Variants in CAND1 observed in about 807,000 individuals in gnomAD.
CAND1 encodes the protein cullin-associated NEDD8-dissociated protein 1.
Under a neutral mutation model 108.5 loss-of-function variants are expected in CAND1, and 7 were observed. That is an observed-to-expected ratio of 0.06 (90% CI 0.04 to 0.12). The LOEUF (loss-of-function observed/expected upper bound fraction) is 0.12, where lower values mean the gene tolerates loss of function less well. Among genes scored for constraint, CAND1 ranks in the 10% least tolerant of loss-of-function variants. CAND1 has a pLI of 1.00. For missense variants in CAND1, 941 were observed against 1,448.7 expected, an observed-to-expected ratio of 0.65 and a Z score of 5.69; for synonymous variants, 534 against 512.0, an observed-to-expected ratio of 1.04 and a Z score of -0.58.
chr12:67,286,379 A>C (rs959143747), intron 2 of CAND1, among the ~76,000 whole-genome samples: 1 of 152,116 alleles, frequency 6.6e-6, no homozygotes, highest in Non-Finnish European at 1.5e-5. Context: ...GAAAACGCCA[A>C]ATTGTTTCCC....
In CAND1 at chr12:67,297,815, A is replaced by G; in HGVS notation, c.816A>G (p.Arg272=). Residue 272 remains arginine, a synonymous_variant, in exon 6 of 15, where the codon AGA becomes AGG. Transcript: ENST00000545606. The part of the protein sequence containing the change: ...KFCNVDDDEL[R]EYCIQAFESF... ...GCAATGTAGATGATGATGAATTAAG[A>G]GAGTACTGTATTCAAGCCTTTGAAT... is the stretch of plus-strand genomic sequence containing the variant. The G allele has an allele frequency of 6.2e-7, 1 of 1,605,102 alleles. No homozygotes were observed. Among genetic ancestry groups the G allele is most frequent in the Non-Finnish European group, 8.5e-7 (1 of 1,173,344 alleles).
rs780258639 is a variant in CAND1 at position 67,319,559 on chromosome 12, C to T, written c.*6729C>T. 6.6e-6 allele frequency: 1 copy of T among 152,174 alleles called. No individual in the cohort carries two copies. Among genetic ancestry groups the T allele is most frequent in the Non-Finnish European group, 1.5e-5 (1 of 68,058 alleles). The allele number at this position is 152,174 out of a possible 1,614,324, so 9.4% of individuals were successfully genotyped here. ...TATTGTCAAATTCCTTTTAAAAGCA[C>T]CTGTCTGTCTGTTAACGTTGGTGCA... On this transcript the variant is annotated 3_prime_UTR_variant, in exon 15 of 15. Transcript: ENST00000545606.
intron 14 of CAND1, 78 bp downstream of exon 14, chr12:67,311,878 CAAATATA>C (rs2044954147): frequency 1.2e-6 from 1 of 817,738 alleles, no homozygotes; most frequent in East Asian, 2.5e-5. Flanking sequence ...TCTAGCTTTC[CAAATATA>C]ACTATTCCAG....
chr12:67,271,142 T>A (rs1283251355), intron 1 of CAND1, among the ~76,000 whole-genome samples: 1 of 152,264 alleles, frequency 6.6e-6, no homozygotes, highest in Non-Finnish European at 1.5e-5. Context: ...TTAAAAATCA[T>A]TTCGCTAATG....
intron 1 of CAND1, among the ~76,000 whole-genome samples, chr12:67,274,042 AC>A (rs1191078217): frequency 6.6e-6 from 1 of 152,054 alleles, no homozygotes; most frequent in Non-Finnish European, 1.5e-5. Flanking sequence ...GGATCTCTTT[AC>A]CCCCAGAACA....
chr12:67,270,801 TTA>T (rs1442005539), intron 1 of CAND1: 14 of 151,448 alleles, frequency 9.2e-5, no homozygotes, highest in African/African-American at 2.7e-4. Flanking sequence ...AAAAAATCGC[TTA>T]TTTCCTTATA....
intron 2 of CAND1, among the ~76,000 whole-genome samples, chr12:67,286,909 C>A (rs1026536691): frequency 2.0e-5 from 3 of 152,130 alleles, no homozygotes; most frequent in African/African-American, 7.2e-5. Flanking sequence ...ATTGAAAAGA[C>A]CTTCCTTCCC....
intron 2 of CAND1, among the ~76,000 whole-genome samples, chr12:67,286,957 T>C (rs1291818305): frequency 6.6e-6 from 1 of 152,250 alleles, no homozygotes. Flanking sequence ...AAAAATCAAT[T>C]GACTATAAAA....
At chr12:67,309,554 G>A (rs566035713) in intron 11 of CAND1, among the ~76,000 whole-genome samples, 1 of 152,016 alleles carries the variant, frequency 6.6e-6, no homozygotes, top group East Asian at 1.9e-4. Context: ...ACTACAAGGA[G>A]AATCAAGCAT....
At position 67,269,974 on chromosome 12, in the gene CAND1, T is replaced by TC. The variant is rs903122307; in HGVS notation, c.68+195dup. ...TTTCCTCTCCCCTCTTGCAACCCCC[T>TC]CCCCCCATTCTTTCTCCTAGGCAGT... On this transcript the variant is annotated intron_variant, in intron 1 of 14. Transcript: ENST00000545606. 1.1e-5 allele frequency: 6 copies of TC among 532,300 alleles called. No individual in the cohort carries two copies. The African/African-American group carries it at 1.3e-4, about 11-fold the overall frequency. The allele number at this position is 532,300 out of a possible 1,614,324, so 33.0% of individuals were successfully genotyped here.
At chr12:67,279,145 C>T (rs2135992485) in intron 1 of CAND1, among the ~76,000 whole-genome samples, 1 of 149,558 alleles carries the variant, frequency 6.7e-6, no homozygotes, top group South Asian at 2.1e-4. Context: ...TAGTCCTTCA[C>T]TCTGAGGTGC....
rs867476433 is a variant in CAND1 at position 67,317,470 on chromosome 12, T to C, written c.*4640T>C. 3 of 144,766 alleles carry C rather than the reference T, an allele frequency of 2.1e-5. No homozygotes were observed. The highest frequency in any genetic ancestry group is 6.8e-3 in the Middle Eastern group (2 of 296). The allele number at this position is 144,766 out of a possible 1,614,324, so 9.0% of individuals were successfully genotyped here. On this transcript the variant is annotated 3_prime_UTR_variant, in exon 15 of 15. Transcript: ENST00000545606. ...TTTCTTTTTTCTTTTTTTTTCTTTC[T>C]TAATTTTTTTTTTTTTTTTTTTTTT...
In CAND1 at chr12:67,304,275, A is replaced by G. The variant is rs949882552; in HGVS notation, c.1294-330A>G. Among the ~76,000 whole-genome samples, 3 of 152,198 alleles carry G rather than the reference A, an allele frequency of 2.0e-5. No individual in the cohort carries two copies. The East Asian group carries it at 5.8e-4, about 29-fold the overall frequency. ...AGTGCTGGGATTACAGGCGTGAGCC[A>G]CTGTGCCCAGCCTATTAATTTCTTT... is the stretch of plus-strand genomic sequence containing the variant. On this transcript the variant is annotated intron_variant, in intron 8 of 14. Transcript: ENST00000545606.
At chr12:67,284,702 A>G (rs1320467004) in intron 2 of CAND1, among the ~76,000 whole-genome samples, 1 of 142,474 alleles carries the variant, frequency 7.0e-6, no homozygotes, top group Non-Finnish European at 1.5e-5. Context: ...GTACACATGC[A>G]TGTACACACA....
rs2045014854 is a variant in CAND1, at chr12:67,317,169, ACTCTGTTGCCTGGACT to A, written c.*4340_*4355del. ...GTTTTTGTGTTTAAGACAAGGTCTC[ACTCTGTTGCCTGGACT>A]GGAGTACATAGCACGAACATGGTTT... On this transcript the variant is annotated 3_prime_UTR_variant, in exon 15 of 15. Coordinates refer to ENST00000545606, the MANE Select transcript of CAND1 (RefSeq NM_018448.5). 1.3e-5 allele frequency: 2 copies of A among 152,156 alleles called. No individual in the cohort carries two copies. The highest frequency in any genetic ancestry group is 2.9e-5 in the Non-Finnish European group (2 of 68,054). The allele number at this position is 152,156 out of a possible 1,614,324, so 9.4% of individuals were successfully genotyped here. A position where few individuals can be genotyped will look rare whatever the true frequency, so the allele number is the denominator to read the frequency against.
At position 67,295,051 on chromosome 12, in the gene CAND1, A is replaced by G. The variant is rs1243798937; in HGVS notation, c.386A>G (p.Asn129Ser). ...PASSGSALAA[N>S]VCKKITGRLT... Reference sequence around the variant, plus strand: ...CATGCAGGCTCTGCATTAGCTGCTAATGTATGTAAAAAGATTACTGGACGT... The same window carrying G: ...CATGCAGGCTCTGCATTAGCTGCTAGTGTATGTAAAAAGATTACTGGACGT... Residue 129 changes from asparagine to serine, a missense_variant, in exon 4 of 15, where the codon AAT becomes AGT. Coordinates refer to ENST00000545606, the MANE Select transcript of CAND1 (RefSeq NM_018448.5). 2.5e-6 allele frequency: 4 copies of G among 1,612,446 alleles called. No homozygotes were observed. In the East Asian group the frequency reaches 8.9e-5, roughly 36 times the overall value.
In CAND1 at chr12:67,305,621, G is replaced by T; in HGVS notation, c.1953G>T (p.Gly651=). 6.2e-7 allele frequency: 1 copy of T among 1,614,102 alleles called. No homozygotes were observed. Residue 651 remains glycine (G), a synonymous_variant, in exon 10 of 15, where the codon GGG becomes GGT. Coordinates refer to ENST00000545606, the MANE Select transcript of CAND1 (RefSeq NM_018448.5). This position sits in a 1 kb window ranked among gnomAD's most constrained non-coding sequence, Gnocchi z 4.4. ...KIDLRPVLGE[G]VPILASFLRK... ...ATTTGAGGCCTGTTCTGGGAGAAGG[G>T]GTTCCTATCCTTGCTTCATTTCTTA...
chr12:67,305,806 T>A lies in CAND1; in HGVS notation c.2138T>A (p.Ile713Asn), dbSNP rs1232451638. The change falls in exon 10 of 15, where the codon ATC (isoleucine) becomes AAC (asparagine). Residue 713 changes from isoleucine to asparagine, a missense_variant. Physicochemically the swap from Ile to Asn is moderately radical, Grantham distance 149. Coordinates refer to ENST00000545606, the MANE Select transcript of CAND1 (RefSeq NM_018448.5). This position sits in a 1 kb window ranked among gnomAD's most constrained non-coding sequence, Gnocchi z 4.4. ...GATATGCATGTTTCACAAATGGCCA[T>A]CAGTTTTCTTACCACTTTGGCAAAA... The part of the protein sequence containing the change: ...ESDMHVSQMA[I>N]SFLTTLAKVY... The A allele has an allele frequency of 6.2e-7, 1 of 1,614,196 alleles. No homozygotes were observed. The highest frequency in any genetic ancestry group is 1.7e-5 in the Admixed American group (1 of 60,028).
chr12:67,277,743 A>G lies in CAND1; in HGVS notation c.69-4167A>G, dbSNP rs560191914. Among the ~76,000 whole-genome samples, 681 of 152,324 alleles carry G rather than the reference A, an allele frequency of 4.5e-3. 1 individual carries two copies. Among genetic ancestry groups the G allele is most frequent in the Middle Eastern group, 6.8e-3 (2 of 294 alleles). ...AGCATTAATTTTGCTTTACAAATAA[A>G]TGTTAATGAGTAGGTGAATTTGCAA... On this transcript the variant is annotated intron_variant, in intron 1 of 14. Coordinates refer to ENST00000545606, the MANE Select transcript of CAND1 (RefSeq NM_018448.5).
Sources: gnomAD v4.1 joint callset for allele counts (sites outside exome capture counted in the v4.1 genomes callset) on GRCh38, gnomAD v4.1.1 for gene constraint, Gnocchi (gnomAD v3.1) non-coding constraint, MANE v1.5 for transcripts, NCBI Gene and HGNC (gene_info 2026-07-23, HGNC 2026-07-21) for gene names.